The following FN1 variants were observed in gnomAD, a reference collection of about 807,000 sequenced individuals.
The protein encoded by FN1 is fibronectin.
In FN1, 106 loss-of-function variants were observed where a neutral mutation model predicts 297.3. The ratio of observed to expected loss-of-function variants is 0.36; its 90% CI spans 0.30 to 0.42. FN1 has a LOEUF of 0.42. Among genes scored for constraint, FN1 ranks in the 10% least tolerant of loss-of-function variants. The pLI is 1.00. For missense variants in FN1, 2,690 were observed against 3,124.9 expected (o/e 0.86, Z 3.32); for synonymous variants, 1,149 against 1,152.6 (o/e 1.00, Z 0.06).
intron 13 of FN1, 25 bp from the exon 14 acceptor site, chr2:215,410,139 A>G (rs2062385505): frequency 6.4e-7 from 1 of 1,557,172 alleles, no homozygotes; most frequent in South Asian, 1.2e-5. Flanking sequence ...TAACACACAC[A>G]CACACACACA....
At chr2:215,400,696 G>A (rs2060889144) in intron 20 of FN1, among the ~76,000 whole-genome samples, 1 of 121,472 alleles carries the variant, frequency 8.2e-6, no homozygotes, top group African/African-American at 3.1e-5. Context: ...AGGTTTCAGT[G>A]AGCCAAGATC....
In FN1 at chr2:215,423,546, A is replaced by G. The variant is rs1488443953; in HGVS notation, c.1217-20T>C. The G allele has an allele frequency of 6.2e-7, 1 of 1,612,330 alleles. No individual in the cohort carries two copies. Among genetic ancestry groups the G allele is most frequent in the Non-Finnish European group, 8.5e-7 (1 of 1,178,624 alleles). Reference sequence around the variant, plus strand: ...CCAAAACTGCCAGGAACAATACACAACAAAGAAGGAAAAGATTACCGCTGA... The same window carrying G: ...CCAAAACTGCCAGGAACAATACACAGCAAAGAAGGAAAAGATTACCGCTGA... On this transcript the variant is annotated intron_variant, in intron 8 of 45. Transcript: ENST00000354785.
intron 2 of FN1, 61 bp downstream of exon 2, chr2:215,434,635 G>A: frequency 6.3e-7 from 1 of 1,594,954 alleles, no homozygotes; most frequent in Non-Finnish European, 8.6e-7. Flanking sequence ...CTAATGCAAA[G>A]TTTAACAATT....
chr2:215,394,551 G>C lies in FN1; in HGVS notation c.3773C>G (p.Pro1258Arg). ...ACCTGGGATGATGGTATCAGAGATAGGGACACTTTCCTTGTCATCCTTGAC... is the reference window on the plus strand; with the variant it reads ...ACCTGGGATGATGGTATCAGAGATACGGACACTTTCCTTGTCATCCTTGAC... The part of the protein sequence containing the change: ...YTVKDDKESV[P>R]ISDTIIPEVP... Residue 1258 changes from proline (P) to arginine (R), a missense_variant, in exon 24 of 46, where the codon CCT becomes CGT. Pro to Arg is a moderately radical substitution (Grantham distance 103, BLOSUM62 -2). Coordinates refer to ENST00000354785, the MANE Select transcript of FN1 (RefSeq NM_212482.4). The C allele has an allele frequency of 6.2e-7, 1 of 1,613,872 alleles. No individual in the cohort carries two copies. Among genetic ancestry groups the C allele is most frequent in the Non-Finnish European group, 8.5e-7 (1 of 1,179,854 alleles).
Position 215,391,650 on chromosome 2 carries a change from T to C in FN1, c.4234A>G (p.Asn1412Asp), listed in dbSNP as rs1263470288. The change falls in exon 26 of 46, where the codon AAT (asparagine) becomes GAT (aspartate). Residue 1412 changes from asparagine to aspartate, a missense_variant. Physicochemically the swap from Asn to Asp is conservative, Grantham distance 23 (BLOSUM62 1). Coordinates refer to ENST00000354785, the MANE Select transcript of FN1 (RefSeq NM_212482.4). Reference protein sequence around the residue: ...VAELSISPSDNAVVLTNLLPG... With the variant: ...VAELSISPSDDAVVLTNLLPG... ...TGCTTACTTGTTAAGACCACTGCATTGTCTGAAGGAGAAATTGACAACTCT... is the reference window on the plus strand; with the variant it reads ...TGCTTACTTGTTAAGACCACTGCATCGTCTGAAGGAGAAATTGACAACTCT... 2 of 1,613,690 alleles carry C rather than the reference T, an allele frequency of 1.2e-6. No individual in the cohort carries two copies. Among genetic ancestry groups the C allele is most frequent in the Non-Finnish European group, 1.7e-6 (2 of 1,179,700 alleles).
intron 15 of FN1, 110 bp from the exon 16 acceptor site, chr2:215,408,536 A>T (rs2062108812): frequency 9.5e-7 from 1 of 1,051,218 alleles, no homozygotes; most frequent in Non-Finnish European, 1.5e-6. Context: ...GGGAAAAGCG[A>T]CTAGAAGGTA....
chr2:215,367,834 G>A (rs1305092156), intron 42 of FN1, 29 bp downstream of exon 42: 2 of 1,612,148 alleles, frequency 1.2e-6, no homozygotes, highest in Non-Finnish European at 1.7e-6. Context: ...AGACAAACAC[G>A]GAAGTGGATG....
chr2:215,397,649 A>C, intron 22 of FN1, 31 bp downstream of exon 22: 3 of 1,605,234 alleles, frequency 1.9e-6, no homozygotes, highest in Non-Finnish European at 2.6e-6. Flanking sequence ...AGTTTTAAAA[A>C]CTAATAGAAA....
At chr2:215,372,690 T>G (rs1050494382) in intron 39 of FN1, among the ~76,000 whole-genome samples, 1 of 151,518 alleles carries the variant, frequency 6.6e-6, no homozygotes, top group Non-Finnish European at 1.5e-5. Context: ...TGTGCAGTCT[T>G]TCTCTTTCTC....
chr2:215,423,386 C>T lies in FN1; in HGVS notation c.1357G>A (p.Asp453Asn). 1 of 1,614,210 alleles carries T rather than the reference C, an allele frequency of 6.2e-7. No homozygotes were observed. Among genetic ancestry groups the T allele is most frequent in the South Asian group, 1.1e-5 (1 of 91,084 alleles). The change falls in exon 9 of 46, where the codon GAT becomes AAT. Residue 453 changes from aspartate to asparagine, a missense_variant. By Grantham distance (23) the Asp-to-Asn change is conservative (BLOSUM62 1). This residue lies in a region of FN1 where 876 missense variants were observed against 1,058.1 expected (regional missense o/e 0.83). Coordinates refer to ENST00000354785, the MANE Select transcript of FN1 (RefSeq NM_212482.4). ...MKWCGTTQNY[D>N]ADQKFGFCPM... ...CAGAACCCAAACTTCTGGTCGGCAT[C>T]ATAGTTCTGTGTGGTCCCACACCAC... is the stretch of plus-strand genomic sequence containing the variant.
intron 33 of FN1, 121 bp downstream of exon 33, chr2:215,380,690 T>C: frequency 8.3e-7 from 1 of 1,202,756 alleles, no homozygotes; most frequent in Non-Finnish European, 1.2e-6. Flanking sequence ...AAAGAGGATC[T>C]TTCCTAATAA....
At position 215,393,194 on chromosome 2, in the gene FN1, T is replaced by C; in HGVS notation, c.3806A>G (p.Gln1269Arg). ...ISDTIIPEVP[Q>R]LTDLSFVDIT... is the part of the protein sequence containing the mutation. ...ATCAACAAAGCTTAGGTCAGTGAGT[T>C]GGGGCACCTCTATTGAGTTACAAAG... The change falls in exon 25 of 46, where the codon CAA becomes CGA. Residue 1269 changes from glutamine to arginine, a missense_variant. Coordinates refer to ENST00000354785, the MANE Select transcript of FN1 (RefSeq NM_212482.4). 3 of 1,613,586 alleles carry C rather than the reference T, an allele frequency of 1.9e-6. No individual in the cohort carries two copies. Among genetic ancestry groups the C allele is most frequent in the South Asian group, 1.1e-5 (1 of 91,056 alleles).
At chr2:215,426,008 C>A (rs1344887421) in intron 6 of FN1, among the ~76,000 whole-genome samples, 1 of 152,190 alleles carries the variant, frequency 6.6e-6, no homozygotes, top group Non-Finnish European at 1.5e-5. Flanking sequence ...CTGGAGGTCA[C>A]CTCCACCTTC....
rs149514094 is a variant in FN1 at position 215,406,412 on chromosome 2, G to A, written c.2812C>T (p.Arg938Cys). 14 of 1,614,176 alleles carry A rather than the reference G, an allele frequency of 8.7e-6. No individual in the cohort carries two copies. The highest frequency in any genetic ancestry group is 1.3e-5 in the African/African-American group (1 of 75,076). ...AGGTTGACGGGGATCACATCCACAC[G>A]GTAGCCGGTCACTGCACTCTCAGGC... ...TPPESAVTGYRVDVIPVNLPG... is the reference protein window; with the variant it reads ...TPPESAVTGYCVDVIPVNLPG... Residue 938 changes from arginine to cysteine, a missense_variant, in exon 19 of 46, where the codon CGT becomes TGT. Arg to Cys is a radical substitution (Grantham distance 180, BLOSUM62 -3). This residue lies in a region of FN1 where 1,743 missense variants were observed against 1,945.2 expected (regional missense o/e 0.90). Transcript: ENST00000354785.
In FN1 at chr2:215,362,093, G is replaced by C. The variant is rs751109054; in HGVS notation, c.7252-14C>G. On this transcript the variant is annotated splice_polypyrimidine_tract_variant and intron_variant, in intron 44 of 45. Transcript: ENST00000354785. ...ACAGCGCCAGCCCTGAGAGAGTAGA[G>C]GCATGAAGTCAAATGGGGTTTATGA... The C allele has an allele frequency of 3.1e-6, 5 of 1,599,712 alleles. No individual in the cohort carries two copies. The Admixed American group carries it at 8.3e-5, about 27-fold the overall frequency.
Position 215,423,427 on chromosome 2 carries a change from CT to C in FN1, c.1315del (p.Arg439GlufsTer5). On this transcript the variant is annotated frameshift_variant, in exon 9 of 46. Coordinates refer to ENST00000354785, the MANE Select transcript of FN1 (RefSeq NM_212482.4). LOFTEE classifies it high-confidence loss of function. ...CCCACACCACTTCATGTTGTCTCTTCTGCCCTCAGAAGTGCAATCAGTGTAA... is the reference window on the plus strand; with the variant it reads ...CCCACACCACTTCATGTTGTCTCTTCGCCCTCAGAAGTGCAATCAGTGTAA... ...HNYTDCTSEGRRDNMKWCGTT... is the reference protein window; with the variant it reads ...HNYTDCTSEGXRDNMKWCGTT... 1 of 1,614,232 alleles carries C rather than the reference CT, an allele frequency of 6.2e-7. No homozygotes were observed. The highest frequency in any genetic ancestry group is 8.5e-7 in the Non-Finnish European group (1 of 1,180,038).
At chr2:215,405,017 T>C (rs890671036) in intron 19 of FN1, among the ~76,000 whole-genome samples, 4 of 152,164 alleles carry the variant, frequency 2.6e-5, no homozygotes, top group African/African-American at 9.7e-5. Context: ...GCCAAACAGA[T>C]TAAGGAAAAA....
intron 32 of FN1, chr2:215,381,510 A>C: frequency 3.4e-6 from 1 of 296,410 alleles, no homozygotes; most frequent in Non-Finnish European, 6.5e-6. Context: ...GTCTCACTCT[A>C]TCACCTAGGC....
intron 38 of FN1, among the ~76,000 whole-genome samples, chr2:215,373,709 T>G (rs535639721): frequency 1.0e-3 from 140 of 136,928 alleles, no homozygotes; most frequent in African/African-American, 3.8e-3. Flanking sequence ...AGATGGAGTC[T>G]GGCTCTGTCA....
Sources: gnomAD v4.1 joint callset for allele counts (sites outside exome capture counted in the v4.1 genomes callset) on GRCh38, gnomAD v4.1.1 for gene constraint, gnomAD v4.1.1 regional missense constraint, MANE v1.5 for transcripts, NCBI Gene and HGNC (gene_info 2026-07-23, HGNC 2026-07-21) for gene names.